VEGFC: variants seen among roughly 807,000 people sequenced by gnomAD.
The protein encoded by VEGFC is FLT4 ligand DHM.
VEGFC carries 12 observed loss-of-function variants against 46.1 expected under a neutral mutation model. The observed-to-expected ratio is 0.26, with a 90% CI of 0.17 to 0.42. The LOEUF is 0.42. Ranked by LOEUF, VEGFC falls within the 10% of genes least tolerant of loss-of-function variation. The pLI is 1.00. For synonymous variants in VEGFC, 232 were observed against 195.5 expected (o/e 1.19, Z -1.56); for missense variants, 488 against 529.4 (o/e 0.92, Z 0.77).
At chr4:176,725,172 C>T (rs1383479889) in intron 3 of VEGFC, among the ~76,000 whole-genome samples, 1 of 152,166 alleles carries the variant, frequency 6.6e-6, no homozygotes, top group Non-Finnish European at 1.5e-5. Flanking sequence ...CAACATATAA[C>T]ACATGACCCC....
intron 1 of VEGFC, among the ~76,000 whole-genome samples, chr4:176,765,496 A>G (rs1175827813): frequency 6.6e-6 from 1 of 152,064 alleles, no homozygotes; most frequent in African/African-American, 2.4e-5. Flanking sequence ...AACACAAAGA[A>G]AGCTACATCT....
intron 4 of VEGFC, among the ~76,000 whole-genome samples, chr4:176,694,392 C>T (rs1734269323): frequency 6.6e-6 from 1 of 152,176 alleles, no homozygotes; most frequent in African/African-American, 2.4e-5. Context: ...AAGGCCATTA[C>T]ATAATCGTAA....
chr4:176,721,694 C>G (rs510684), intron 3 of VEGFC, among the ~76,000 whole-genome samples: 32,058 of 152,048 alleles, frequency 0.21, 4,986 homozygotes, highest in African/African-American at 0.44. Context: ...TACTAAGACA[C>G]AGAACACTGG....
chr4:176,764,853 T>G (rs929574618), intron 1 of VEGFC, among the ~76,000 whole-genome samples: 5 of 152,062 alleles, frequency 3.3e-5, no homozygotes, highest in African/African-American at 1.2e-4. Flanking sequence ...AATCAAAAGT[T>G]TTCAGCAAAT....
At chr4:176,738,841 T>G (rs1252927980) in intron 1 of VEGFC, among the ~76,000 whole-genome samples, 1 of 151,478 alleles carries the variant, frequency 6.6e-6, no homozygotes, top group Non-Finnish European at 1.5e-5. Context: ...ACAAGGAACT[T>G]AAATTTACAA....
chr4:176,704,874 A>C (rs1294254823), intron 4 of VEGFC, among the ~76,000 whole-genome samples: 1 of 152,006 alleles, frequency 6.6e-6, no homozygotes, highest in Admixed American at 6.6e-5. Context: ...CTTCCTCACC[A>C]CACTGATTTC....
intron 3 of VEGFC, among the ~76,000 whole-genome samples, chr4:176,720,800 C>T (rs563987940): frequency 4.7e-5 from 7 of 149,300 alleles, no homozygotes; most frequent in Admixed American, 1.3e-4. Flanking sequence ...GAGTTCCTGC[C>T]ACTGCACTCC....
At chr4:176,771,262 G>A (rs1735716930) in intron 1 of VEGFC, among the ~76,000 whole-genome samples, 1 of 151,942 alleles carries the variant, frequency 6.6e-6, no homozygotes, top group Non-Finnish European at 1.5e-5. Flanking sequence ...ATATAAACTG[G>A]CCAAACCCTA....
chr4:176,692,201 C>T (rs1459556870), intron 4 of VEGFC, among the ~76,000 whole-genome samples: 5 of 149,790 alleles, frequency 3.3e-5, no homozygotes, highest in East Asian at 3.9e-4. Context: ...GAGACCATCC[C>T]GGCTAAAACG....
At chr4:176,703,790 G>A (rs769311457) in intron 4 of VEGFC, among the ~76,000 whole-genome samples, 7 of 152,070 alleles carry the variant, frequency 4.6e-5, no homozygotes, top group Middle Eastern at 3.4e-3. Context: ...TGCAGTCATA[G>A]CCACACCTCA....
At chr4:176,744,221 A>G (rs1027800512) in intron 1 of VEGFC, among the ~76,000 whole-genome samples, 2 of 152,188 alleles carry the variant, frequency 1.3e-5, no homozygotes, top group East Asian at 3.9e-4. Flanking sequence ...AGATCAAATT[A>G]TTTCAATGAA....
intron 6 of VEGFC, among the ~76,000 whole-genome samples, chr4:176,686,728 T>G (rs1353231965): frequency 1.3e-5 from 2 of 152,182 alleles, no homozygotes; most frequent in African/African-American, 2.4e-5. Context: ...TATTCATTTA[T>G]TTCTCTAATT....
chr4:176,716,154 T>G (rs938730330), intron 3 of VEGFC, among the ~76,000 whole-genome samples: 2 of 152,174 alleles, frequency 1.3e-5, no homozygotes, highest in African/African-American at 4.8e-5. Context: ...TTTAAAATTT[T>G]TATTTAAAAT....
chr4:176,693,130 T>C (rs1734239757), intron 4 of VEGFC, among the ~76,000 whole-genome samples: 1 of 152,108 alleles, frequency 6.6e-6, no homozygotes. Context: ...GGATGGAGAA[T>C]AACTTTGACG....
Position 176,692,793 on chromosome 4 carries a change from C to G in VEGFC, c.705-4866G>C, listed in dbSNP as rs1185979712. 9.5e-5 allele frequency among the ~76,000 whole-genome samples: 14 copies of G among 147,108 alleles called. No homozygotes were observed. In the South Asian group the frequency reaches 1.0e-3, roughly 11 times the overall value. ...AGCTGGAGATCTGAGAACGGGCAGA[C>G]TGCTTCCTCAAGTGGGTCCCTGACC... On this transcript the variant is annotated intron_variant, in intron 4 of 6. Coordinates refer to ENST00000618562, the MANE Select transcript of VEGFC (RefSeq NM_005429.5).
At chr4:176,695,267 A>G (rs1734287990) in intron 4 of VEGFC, among the ~76,000 whole-genome samples, 1 of 150,494 alleles carries the variant, frequency 6.6e-6, no homozygotes, top group Non-Finnish European at 1.5e-5. Context: ...GAAGAATCAA[A>G]TAGACGCAAT....
At chr4:176,739,773 A>G (rs1022665169) in intron 1 of VEGFC, among the ~76,000 whole-genome samples, 2 of 151,596 alleles carry the variant, frequency 1.3e-5, no homozygotes, top group Admixed American at 1.3e-4. Context: ...AAGAAAAAAG[A>G]AAATCAAAGA....
At chr4:176,768,206 T>C (rs1305737166) in intron 1 of VEGFC, among the ~76,000 whole-genome samples, 4 of 152,098 alleles carry the variant, frequency 2.6e-5, no homozygotes, top group Non-Finnish European at 4.4e-5. Flanking sequence ...CAGCTAGTTA[T>C]ATTTTAAAGT....
At chr4:176,741,704 G>GA (rs576465606) in intron 1 of VEGFC, among the ~76,000 whole-genome samples, 201 of 151,822 alleles carry the variant, frequency 1.3e-3, no homozygotes, top group Middle Eastern at 6.8e-3. Context: ...CTGTTCATTA[G>GA]AAAAAAGAAA....
Sources: gnomAD v4.1 joint callset for allele counts (sites outside exome capture counted in the v4.1 genomes callset) on GRCh38, gnomAD v4.1.1 for gene constraint, MANE v1.5 for transcripts, NCBI Gene and HGNC (gene_info 2026-07-23, HGNC 2026-07-21) for gene names.